The following TANC2 variants were observed in gnomAD, a reference collection of about 807,000 sequenced individuals.
TANC2 encodes the protein protein TANC2.
Under a neutral mutation model 210.5 loss-of-function variants are expected in TANC2, and 26 were observed. The observed-to-expected ratio is 0.12, with a 90% CI of 0.09 to 0.17. The LOEUF is 0.17. TANC2 is among the 10% of genes least tolerant of loss of function. The probability of loss-of-function intolerance (pLI) is 1.00; values close to 1 mark genes in which losing one functional copy is unlikely to be tolerated. For missense variants in TANC2, 2,129 were observed against 2,608.9 expected (o/e 0.82, Z 4.01); for synonymous variants, 931 against 967.1 (o/e 0.96, Z 0.69).
At chr17:62,989,144 A>G (rs1281301496) in intron 1 of TANC2, among the ~76,000 whole-genome samples, 2 of 152,120 alleles carry the variant, frequency 1.3e-5, no homozygotes, top group Admixed American at 6.5e-5. Context: ...TTTAATTCTC[A>G]TTAACGGACT....
At chr17:63,419,864 C>T (rs1402962090) in intron 27 of TANC2, 135 bp from the exon 28 acceptor site, 2 of 1,044,274 alleles carry the variant, frequency 1.9e-6, no homozygotes, top group African/African-American at 3.2e-5. Flanking sequence ...CCTATAAATC[C>T]AACTAAACCG....
chr17:63,068,529 G>A (rs900033198), intron 2 of TANC2, among the ~76,000 whole-genome samples: 2 of 152,106 alleles, frequency 1.3e-5, no homozygotes, highest in Non-Finnish European at 2.9e-5. Flanking sequence ...TCCTTTTGAA[G>A]TACTATAAAT....
chr17:63,025,821 T>TTAAAATAAAA (rs71357046), intron 2 of TANC2, among the ~76,000 whole-genome samples: 15,843 of 141,254 alleles, frequency 0.11, 1,428 homozygotes, highest in African/African-American at 0.25. Context: ...TAAAATTAAA[T>TTAAAATAAAA]TAAAATAAAA....
intron 2 of TANC2, among the ~76,000 whole-genome samples, chr17:63,038,676 T>C (rs931336971): frequency 2.0e-5 from 3 of 152,178 alleles, no homozygotes; most frequent in African/African-American, 4.8e-5. Flanking sequence ...TTTTAAACTA[T>C]AGACTTTATG....
At chr17:63,425,456 G>C (rs992254594) in exon 28 of TANC2, 1 of 152,134 alleles carries the variant, frequency 6.6e-6, no homozygotes, top group Non-Finnish European at 1.5e-5. Flanking sequence ...GTACCCAATA[G>C]AAAAAATTAA....
At chr17:63,257,483 T>C (rs1437766214) in intron 8 of TANC2, among the ~76,000 whole-genome samples, 1 of 151,958 alleles carries the variant, frequency 6.6e-6, no homozygotes, top group African/African-American at 2.4e-5. Flanking sequence ...TCAGCCTCTC[T>C]AGTAACTGAG....
At chr17:63,112,259 C>A (rs976521020) in intron 4 of TANC2, among the ~76,000 whole-genome samples, 1 of 152,104 alleles carries the variant, frequency 6.6e-6, no homozygotes, top group African/African-American at 2.4e-5. Flanking sequence ...TGGTAGCACT[C>A]ATGAAGTAGA....
At chr17:63,331,921 A>C (rs2045867786) in intron 11 of TANC2, 1 of 228,274 alleles carries the variant, frequency 4.4e-6, no homozygotes, top group Non-Finnish European at 8.6e-6. Flanking sequence ...ACTTCTCTCC[A>C]TTTGGCGGTA....
intron 1 of TANC2, among the ~76,000 whole-genome samples, chr17:63,009,264 A>T (rs1348682543): frequency 6.6e-6 from 1 of 151,580 alleles, no homozygotes; most frequent in South Asian, 2.1e-4. Context: ...TTTTCTTTTT[A>T]AATTTTTATT....
intron 8 of TANC2, among the ~76,000 whole-genome samples, chr17:63,257,700 CAACTT>C (rs915139501): frequency 5.9e-5 from 9 of 152,284 alleles, no homozygotes; most frequent in Admixed American, 3.3e-4. Flanking sequence ...AAACTGATAA[CAACTT>C]AACACTGATG....
chr17:63,367,292 A>G (rs539329233), intron 14 of TANC2, among the ~76,000 whole-genome samples: 1 of 152,338 alleles, frequency 6.6e-6, no homozygotes, highest in East Asian at 1.9e-4. Flanking sequence ...ATTATACTCT[A>G]AAGCAAGCTT....
At chr17:63,271,090 C>T (rs1340832702) in intron 9 of TANC2, among the ~76,000 whole-genome samples, 1 of 110,468 alleles carries the variant, frequency 9.1e-6, no homozygotes, top group African/African-American at 2.8e-5. Flanking sequence ...AAGTTGATTC[C>T]ATGTCTTTGC....
chr17:63,192,805 T>C (rs2145740373), intron 5 of TANC2, among the ~76,000 whole-genome samples: 1 of 152,364 alleles, frequency 6.6e-6, no homozygotes, highest in Non-Finnish European at 1.5e-5. Context: ...ATAAGCATTA[T>C]GTAAGTATAT....
At position 63,264,391 on chromosome 17, in the gene TANC2, C is replaced by T. The variant is rs151261032; in HGVS notation, c.1034-3357C>T. Among the ~76,000 whole-genome samples, 3 of 152,188 alleles carry T rather than the reference C, an allele frequency of 2.0e-5. No individual in the cohort carries two copies. The East Asian group carries it at 5.8e-4, about 29-fold the overall frequency. On this transcript the variant is annotated intron_variant, in intron 8 of 27. Transcript: ENST00000689528. ...CTGGGGGCAGTATTTCAGTTTGCTCCAGGCATGTTTTGGGGAGCAGCAAAT... is the reference window on the plus strand; with the variant it reads ...CTGGGGGCAGTATTTCAGTTTGCTCTAGGCATGTTTTGGGGAGCAGCAAAT...
intron 5 of TANC2, among the ~76,000 whole-genome samples, chr17:63,166,020 T>A (rs565046709): frequency 6.6e-6 from 1 of 152,338 alleles, no homozygotes; most frequent in South Asian, 2.1e-4. Flanking sequence ...GTCATCATCA[T>A]ACATTGATGT....
intron 2 of TANC2, among the ~76,000 whole-genome samples, chr17:63,030,852 T>C (rs1301360939): frequency 6.6e-6 from 1 of 152,080 alleles, no homozygotes; most frequent in East Asian, 1.9e-4. Context: ...TCTTAAAAAT[T>C]AGCAGTCTTT....
chr17:63,351,387 C>T (rs1170293957), exon 13 of TANC2: 1 of 1,608,788 alleles, frequency 6.2e-7, no homozygotes, highest in African/African-American at 1.3e-5. Context: ...TTGGCTCAAA[C>T]TAATTGTAAC....
At chr17:63,278,105 A>G (rs1227144362) in intron 9 of TANC2, among the ~76,000 whole-genome samples, 1 of 152,184 alleles carries the variant, frequency 6.6e-6, no homozygotes, top group African/African-American at 2.4e-5. Flanking sequence ...TCAGTGAGCT[A>G]TGATTGTGTC....
chr17:63,245,096 ATTC>A (rs1188354384), intron 8 of TANC2, among the ~76,000 whole-genome samples: 3 of 152,178 alleles, frequency 2.0e-5, no homozygotes, highest in Non-Finnish European at 4.4e-5. Context: ...TGATTTTACT[ATTC>A]TTCCACCCAG....
Sources: allele counts gnomAD v4.1 joint callset (sites outside exome capture counted in the v4.1 genomes callset), GRCh38; gene constraint gnomAD v4.1.1; transcripts MANE v1.5; gene names NCBI Gene and HGNC (gene_info 2026-07-23, HGNC 2026-07-21).